The following SLCO5A1 variants were observed in gnomAD, a reference collection of about 807,000 sequenced individuals.
The protein encoded by SLCO5A1 is organic anion transporter polypeptide-related protein 4.
SLCO5A1 carries 39 observed loss-of-function variants against 65.1 expected under a neutral mutation model. The ratio of observed to expected loss-of-function variants is 0.60; its 90% CI spans 0.46 to 0.78. SLCO5A1 has a LOEUF of 0.78. SLCO5A1 is among the 30% of genes least tolerant of loss of function. The pLI is 0.00. For missense variants in SLCO5A1, 1,029 were observed against 1,069.4 expected (o/e 0.96, Z 0.53); for synonymous variants, 438 against 415.7 (o/e 1.05, Z -0.65).
intron 6 of SLCO5A1, among the ~76,000 whole-genome samples, chr8:69,699,175 CT>C (rs1268761257): frequency 6.6e-6 from 1 of 152,220 alleles, no homozygotes; most frequent in African/African-American, 2.4e-5. Flanking sequence ...ACTTAGGTAA[CT>C]GCTCCTTCCC....
At chr8:69,810,908 CCAAA>C (rs1486550202) in intron 2 of SLCO5A1, among the ~76,000 whole-genome samples, 5 of 152,230 alleles carry the variant, frequency 3.3e-5, no homozygotes, top group Non-Finnish European at 5.9e-5. Context: ...GTCTACATCC[CCAAA>C]CACAGTACAC....
At chr8:69,700,457 G>A (rs2380567) in intron 6 of SLCO5A1, 60,429 of 151,828 alleles carry the variant, frequency 0.4, 12,138 homozygotes, top group South Asian at 0.56. Flanking sequence ...AACAAGAAAA[G>A]GAGAGATCAA....
intron 6 of SLCO5A1, among the ~76,000 whole-genome samples, chr8:69,688,902 G>A (rs1226267505): frequency 6.6e-6 from 1 of 152,150 alleles, no homozygotes; most frequent in Admixed American, 6.5e-5. Flanking sequence ...AGGTCCCTGA[G>A]GAATTGCCAC....
rs933250124 is a variant in SLCO5A1, at chr8:69,668,641, A to G, written c.*4228T>C. 6.6e-6 allele frequency: 1 copy of G among 152,188 alleles called. No homozygotes were observed. Among genetic ancestry groups the G allele is most frequent in the East Asian group, 1.9e-4 (1 of 5,196 alleles). 9.4% of individuals were successfully genotyped at this position (152,188 alleles called of 1,614,324 possible). On this transcript the variant is annotated 3_prime_UTR_variant, in exon 10 of 10. Transcript: ENST00000260126. ...AAACTCTAAAGTTTCTCTTTGGTAC[A>G]TGCACGGTTTCTACAAAACAGGGCC...
chr8:69,770,759 G>A (rs1425190277), intron 2 of SLCO5A1, among the ~76,000 whole-genome samples: 4 of 152,040 alleles, frequency 2.6e-5, no homozygotes, highest in South Asian at 4.1e-4. Flanking sequence ...CACTGCCCCC[G>A]CCAGTGTTTC....
At chr8:69,762,191 TTTC>T in intron 2 of SLCO5A1, among the ~76,000 whole-genome samples, 1 of 87,896 alleles carries the variant, frequency 1.1e-5, no homozygotes, top group Non-Finnish European at 2.2e-5. Flanking sequence ...TCTTTCTTTC[TTTC>T]TTTCTTTTTT....
intron 2 of SLCO5A1, among the ~76,000 whole-genome samples, chr8:69,824,079 G>A (rs536040137): frequency 2.4e-4 from 37 of 152,088 alleles, no homozygotes; most frequent in African/African-American, 6.5e-4. Flanking sequence ...TGAAACCAAC[G>A]AGAACAAAGA....
In SLCO5A1 at chr8:69,679,492, A is replaced by G; in HGVS notation, c.1910T>C (p.Val637Ala). The G allele has an allele frequency of 6.2e-7, 1 of 1,614,250 alleles. No individual in the cohort carries two copies. The highest frequency in any genetic ancestry group is 8.5e-7 in the Non-Finnish European group (1 of 1,180,038). Residue 637 changes from valine to alanine, a missense_variant, in exon 8 of 10, where the codon GTG (valine) becomes GCG (alanine). Physicochemically the swap from Val to Ala is moderately conservative, Grantham distance 64. This residue lies in a region of SLCO5A1 where 124 missense variants were observed against 184.5 expected (regional missense o/e 0.67). Coordinates refer to ENST00000260126, the MANE Select transcript of SLCO5A1 (RefSeq NM_030958.3). ...GCAGGTCCGTTTACATTTCCCAGAC[A>G]CAGCATAGCCGTTCTCATTGAGATA... The part of the protein sequence containing the change: ...KTYLNENGYA[V>A]SGKCKRTCNT...
chr8:69,684,393 A>T (rs1813920863), intron 6 of SLCO5A1, among the ~76,000 whole-genome samples: 1 of 152,140 alleles, frequency 6.6e-6, no homozygotes, highest in Admixed American at 6.5e-5. Flanking sequence ...TCAAAACAGG[A>T]TGTAGCAAAG....
At position 69,832,882 on chromosome 8, in the gene SLCO5A1, C is replaced by T; in HGVS notation, c.-209G>A. Reference sequence around the variant, plus strand: ...CAGACACGGCTTCAAGGCTCCGCAGCCGCGTGCCACAGGGGGCAGGGGTCC... The same window carrying T: ...CAGACACGGCTTCAAGGCTCCGCAGTCGCGTGCCACAGGGGGCAGGGGTCC... On this transcript the variant is annotated 5_prime_UTR_variant, in exon 2 of 10. Transcript: ENST00000260126. The surrounding 1 kb of genome is among the most constrained non-coding windows in gnomAD (Gnocchi z 4.5). The T allele has an allele frequency of 1.6e-6, 1 of 611,948 alleles. No individual in the cohort carries two copies. Among genetic ancestry groups the T allele is most frequent in the African/African-American group, 1.9e-5 (1 of 53,468 alleles). 37.9% of individuals were successfully genotyped at this position (611,948 alleles called of 1,614,324 possible). A position where few individuals can be genotyped will look rare whatever the true frequency, so the allele number is the denominator to read the frequency against.
chr8:69,784,926 GAA>G (rs1189797914), intron 2 of SLCO5A1, among the ~76,000 whole-genome samples: 1 of 119,742 alleles, frequency 8.4e-6, no homozygotes, highest in Non-Finnish European at 1.7e-5. Context: ...AAGAAAGAAA[GAA>G]AGAAAGAAAG....
At chr8:69,821,563 C>A (rs1367640212) in intron 2 of SLCO5A1, among the ~76,000 whole-genome samples, 2 of 152,010 alleles carry the variant, frequency 1.3e-5, no homozygotes, top group Non-Finnish European at 2.9e-5. Context: ...AATCCCAGCA[C>A]TTTGGGAGGC....
At chr8:69,678,135 GCCCTTATACAAA>G in intron 8 of SLCO5A1, among the ~76,000 whole-genome samples, 1 of 152,306 alleles carries the variant, frequency 6.6e-6, no homozygotes, top group South Asian at 2.1e-4. Context: ...AAAAGCCAGT[GCCCTTATACAAA>G]TGCTGGAATG....
chr8:69,677,865 G>A (rs923264556), intron 8 of SLCO5A1, among the ~76,000 whole-genome samples: 3 of 152,188 alleles, frequency 2.0e-5, no homozygotes, highest in African/African-American at 4.8e-5. Context: ...GAAAGAGTAA[G>A]AACTGACTCC....
Position 69,705,479 on chromosome 8 carries a change from A to C in SLCO5A1, c.1424-250T>G, listed in dbSNP as rs536738233. 3.3e-5 allele frequency among the ~76,000 whole-genome samples: 5 copies of C among 152,370 alleles called. No homozygotes were observed. The East Asian group carries it at 9.6e-4, about 29-fold the overall frequency. The stretch of plus-strand genomic sequence containing the variant: ...ATAAAGACAAGCAATCCATTACAAA[A>C]GTGAGTAAAACTTGAATAAGTTCTT... On this transcript the variant is annotated intron_variant, in intron 5 of 9. Transcript: ENST00000260126.
rs528256928 is a variant in SLCO5A1, at chr8:69,827,245, T to C, written c.907+4522A>G. 1.4e-4 allele frequency among the ~76,000 whole-genome samples: 22 copies of C among 151,834 alleles called. No individual in the cohort carries two copies. The South Asian group carries it at 4.6e-3, about 32-fold the overall frequency. On this transcript the variant is annotated intron_variant, in intron 2 of 9. Transcript: ENST00000260126. ...CACACCAGCATGGCACATGTATACA[T>C]ATGTAACTAACCTGCACATTGTGCA... is the stretch of plus-strand genomic sequence containing the variant.
chr8:69,775,828 A>T (rs1332360502), intron 2 of SLCO5A1, among the ~76,000 whole-genome samples: 1 of 152,092 alleles, frequency 6.6e-6, no homozygotes, highest in Non-Finnish European at 1.5e-5. Context: ...AAGCTGGGCG[A>T]CATAGTGAGA....
intron 4 of SLCO5A1, among the ~76,000 whole-genome samples, chr8:69,752,656 T>C (rs1223602137): frequency 6.6e-6 from 1 of 152,206 alleles, no homozygotes; most frequent in Non-Finnish European, 1.5e-5. Context: ...ATTTTCAGTG[T>C]AATTCAATTA....
chr8:69,782,681 A>C (rs1050751531), intron 2 of SLCO5A1, among the ~76,000 whole-genome samples: 1 of 152,166 alleles, frequency 6.6e-6, no homozygotes, highest in Non-Finnish European at 1.5e-5. Flanking sequence ...AACATGCCTA[A>C]GCCTTTTGTA....
Sources: allele counts gnomAD v4.1 joint callset (sites outside exome capture counted in the v4.1 genomes callset), GRCh38; gene constraint gnomAD v4.1.1; regional missense constraint gnomAD v4.1.1; non-coding constraint Gnocchi (gnomAD v3.1); transcripts MANE v1.5; gene names NCBI Gene and HGNC (gene_info 2026-07-23, HGNC 2026-07-21).